Variants in LDB3 observed in about 807,000 individuals in gnomAD.
LDB3 encodes the protein LIM domain binding 3.
In LDB3, 49 loss-of-function variants were observed where a neutral mutation model predicts 69.0. That is an observed-to-expected ratio of 0.71 (90% confidence interval 0.56 to 0.90). The LOEUF is 0.90. LDB3 is among the 40% of genes least tolerant of loss of function. The pLI, the probability that LDB3 is intolerant of heterozygous loss-of-function variation, is 0.00. For missense variants in LDB3, 928 were observed against 974.1 expected (o/e 0.95, Z 0.63); for synonymous variants, 387 against 396.2 (o/e 0.98, Z 0.28).
At chr10:86,710,354 C>A in intron 9 of LDB3, 1 of 734,782 alleles carries the variant, frequency 1.4e-6, no homozygotes, top group Non-Finnish European at 1.7e-6. Flanking sequence ...CTTTGGGAGG[C>A]TGGGGCAGGA....
chr10:86,693,791 C>T (rs904442565), intron 7 of LDB3, among the ~76,000 whole-genome samples: 2 of 152,254 alleles, frequency 1.3e-5, no homozygotes, highest in African/African-American at 4.8e-5. Flanking sequence ...GCTCCGCTGT[C>T]CCTGCGTGCT....
At chr10:86,703,573 A>G (rs184267110) in intron 7 of LDB3, among the ~76,000 whole-genome samples, 33 of 152,336 alleles carry the variant, frequency 2.2e-4, no homozygotes, top group Non-Finnish European at 3.5e-4. Flanking sequence ...TCTCTCTCCC[A>G]TGGGGGCAGT....
At chr10:86,678,340 CTTTT>C (rs59059288) in intron 2 of LDB3, among the ~76,000 whole-genome samples, 2 of 116,040 alleles carry the variant, frequency 1.7e-5, no homozygotes, top group Admixed American at 1.8e-4. Context: ...CCTGGCCACC[CTTTT>C]TTTTTTTTTT....
intron 9 of LDB3, among the ~76,000 whole-genome samples, chr10:86,713,436 G>T (rs1564655732): frequency 6.6e-6 from 1 of 152,132 alleles, no homozygotes; most frequent in African/African-American, 2.4e-5. Flanking sequence ...GTAGAGACGG[G>T]GTTTCACCAT....
chr10:86,722,130 G>A (rs1847100498), intron 12 of LDB3, among the ~76,000 whole-genome samples: 1 of 152,214 alleles, frequency 6.6e-6, no homozygotes, highest in Non-Finnish European at 1.5e-5. Flanking sequence ...AAATGTGTTA[G>A]TATCAGACCC....
intron 7 of LDB3, among the ~76,000 whole-genome samples, chr10:86,694,537 G>A (rs1165168489): frequency 6.6e-6 from 1 of 152,222 alleles, no homozygotes; most frequent in Non-Finnish European, 1.5e-5. Flanking sequence ...AGGCCCTGCA[G>A]TGGAGGCTCT....
chr10:86,668,617 G>A (rs1340526543), intron 1 of LDB3, 47 bp downstream of exon 1: 1 of 1,162,130 alleles, frequency 8.6e-7, no homozygotes, highest in African/African-American at 1.5e-5. Flanking sequence ...GACCGGGCAG[G>A]CGGAGTGCCT....
chr10:86,675,265 C>G (rs1208593208), intron 2 of LDB3, among the ~76,000 whole-genome samples: 1 of 152,242 alleles, frequency 6.6e-6, no homozygotes, highest in Non-Finnish European at 1.5e-5. Context: ...GTGGGGAGGG[C>G]TGGTGCCCGC....
Position 86,735,089 on chromosome 10 carries a change from ACACAC to A in LDB3, c.*2114_*2118del, listed in dbSNP as rs1564667813. On this transcript the variant is annotated 3_prime_UTR_variant, in exon 14 of 14. Transcript: ENST00000361373. The stretch of plus-strand genomic sequence containing the variant: ...CACACACACACACACACACACACAC[ACACAC>A]ACACACGATCATTAAAAAGTGTATG... 1.1e-4 allele frequency: 16 copies of A among 140,558 alleles called. No individual in the cohort carries two copies. Among genetic ancestry groups the A allele is most frequent in the African/African-American group, 4.8e-4 (15 of 31,322 alleles). The allele number at this position is 140,558 out of a possible 1,614,324, so 8.7% of individuals were successfully genotyped here. A position where few individuals can be genotyped will look rare whatever the true frequency, so the allele number is the denominator to read the frequency against.
intron 5 of LDB3, among the ~76,000 whole-genome samples, chr10:86,683,193 C>G (rs1589626877): frequency 6.6e-6 from 1 of 152,182 alleles, no homozygotes; most frequent in Admixed American, 6.5e-5. Flanking sequence ...GCCTGGGACT[C>G]CCAGGAGACC....
intron 5 of LDB3, among the ~76,000 whole-genome samples, chr10:86,688,015 G>T (rs1845577748): frequency 1.3e-5 from 2 of 150,276 alleles, no homozygotes; most frequent in African/African-American, 4.9e-5. Flanking sequence ...CTTCCTCCTT[G>T]TTGCTTTTTC....
chr10:86,675,647 G>C (rs758166728), intron 2 of LDB3, among the ~76,000 whole-genome samples: 1 of 152,224 alleles, frequency 6.6e-6, no homozygotes, highest in Non-Finnish European at 1.5e-5. Flanking sequence ...TGCAAAATTC[G>C]CCCTGGAAAG....
At chr10:86,683,178 T>A (rs965313679) in intron 5 of LDB3, among the ~76,000 whole-genome samples, 1 of 152,212 alleles carries the variant, frequency 6.6e-6, no homozygotes, top group Non-Finnish European at 1.5e-5. Context: ...GGTCAGCCTC[T>A]GGTGGCCTGG....
chr10:86,699,640 C>G lies in LDB3; in HGVS notation c.897-6891C>G, dbSNP rs1347679009. On this transcript the variant is annotated intron_variant, in intron 7 of 13. Transcript: ENST00000361373. The surrounding 1 kb of genome is among the most constrained non-coding windows in gnomAD (Gnocchi z 4.9). ...ATAGCCCGTAGCCCAATCCCCTGCC[C>G]TCTGCACAGGGCCTTAGCTGTAGAC... 7.5e-7 allele frequency: 1 copy of G among 1,339,880 alleles called. No individual in the cohort carries two copies. Among genetic ancestry groups the G allele is most frequent in the Non-Finnish European group, 9.6e-7 (1 of 1,038,426 alleles). The allele number at this position is 1,339,880 out of a possible 1,614,324, so 83.0% of individuals were successfully genotyped here.
chr10:86,716,150 G>A (rs1399681878), intron 9 of LDB3, among the ~76,000 whole-genome samples, 177 bp from the exon 10 acceptor site: 1 of 152,170 alleles, frequency 6.6e-6, no homozygotes, highest in Non-Finnish European at 1.5e-5. Context: ...TGAACACCCT[G>A]CTGAGAATTC....
rs748193817 is a variant in LDB3, at chr10:86,692,003, G to A, written c.797G>A (p.Arg266His). ...GATGAGGCTGACGAGTGGGCACGCC[G>A]TTCCTCCAACCTGCAGTCTCGCTCC... Reference protein sequence around the residue: ...PEDEADEWARRSSNLQSRSFR... With the variant: ...PEDEADEWARHSSNLQSRSFR... Residue 266 changes from arginine (R) to histidine (H), a missense_variant, in exon 6 of 14, where the codon CGT (arginine) becomes CAT (histidine). Transcript: ENST00000361373. The A allele has an allele frequency of 1.1e-5, 17 of 1,614,044 alleles. No individual in the cohort carries two copies. Among genetic ancestry groups the A allele is most frequent in the East Asian group, 4.5e-5 (2 of 44,884 alleles).
chr10:86,711,295 C>T (rs1846650625), intron 9 of LDB3, among the ~76,000 whole-genome samples: 2 of 151,980 alleles, frequency 1.3e-5, no homozygotes, highest in South Asian at 4.2e-4. Flanking sequence ...GGCGCGCGGC[C>T]AGCCCGCCCT....
intron 4 of LDB3, among the ~76,000 whole-genome samples, chr10:86,681,120 A>G (rs548572122): frequency 4.3e-4 from 66 of 152,306 alleles, no homozygotes; most frequent in Admixed American, 1.9e-3. Flanking sequence ...CAGGGGGAAC[A>G]GACACAGAAC....
chr10:86,672,365 C>T (rs1485941292), intron 2 of LDB3, among the ~76,000 whole-genome samples: 1 of 152,184 alleles, frequency 6.6e-6, no homozygotes. Flanking sequence ...CTGTGGGTTT[C>T]GGTTCCAGTA....
Sources: gnomAD v4.1 joint callset for allele counts (sites outside exome capture counted in the v4.1 genomes callset) on GRCh38, gnomAD v4.1.1 for gene constraint, Gnocchi (gnomAD v3.1) non-coding constraint, MANE v1.5 for transcripts, NCBI Gene and HGNC (gene_info 2026-07-23, HGNC 2026-07-21) for gene names.